The following CAPS2 variants were observed in gnomAD, a reference collection of about 807,000 sequenced individuals.
CAPS2 encodes the protein calcyphosin-2.
CAPS2 carries 98 observed loss-of-function variants against 86.5 expected under a neutral mutation model. That is an observed-to-expected ratio of 1.13 (90% CI 0.96 to 1.34). The LOEUF is 1.34. CAPS2 is among the 40% of genes most tolerant of loss of function. The pLI is 0.00. For synonymous variants in CAPS2, 210 were observed against 225.1 expected (o/e 0.93, Z 0.60); for missense variants, 729 against 686.8 (o/e 1.06, Z -0.69).
At chr12:75,330,312 C>G (rs145711159), upstream of CAPS2, among the ~76,000 whole-genome samples, 1 of 152,222 alleles carries the variant, frequency 6.6e-6, no homozygotes, top group South Asian at 2.1e-4. Context: ...CCGCAGCCTC[C>G]CAGGGAACCG....
chr12:75,343,512 A>G (rs2042253231), intron 1 of CAPS2, among the ~76,000 whole-genome samples: 1 of 152,134 alleles, frequency 6.6e-6, no homozygotes, highest in Non-Finnish European at 1.5e-5. Flanking sequence ...GTGAGTATAA[A>G]TAAGTATTTC....
Position 75,298,763 on chromosome 12 carries a change from A to T in CAPS2, c.968T>A (p.Phe323Tyr), listed in dbSNP as rs146917896. Residue 323 changes from phenylalanine to tyrosine, a missense_variant, in exon 11 of 17, where the codon TTT becomes TAT. By Grantham distance (22) the Phe-to-Tyr change is conservative. Coordinates refer to ENST00000393284, the Ensembl canonical transcript of CAPS2. ...ATGACTATAAATGCTTTTTTGAATA[A>T]AAGGAAGCACATTTGTTCTAGAAAG... The T allele has an allele frequency of 2.5e-6, 4 of 1,613,764 alleles. No homozygotes were observed. The African/African-American group carries it at 5.3e-5, about 22-fold the overall frequency.
At chr12:75,355,616 T>C (rs537543795) in intron 1 of CAPS2, among the ~76,000 whole-genome samples, 2 of 152,260 alleles carry the variant, frequency 1.3e-5, no homozygotes, top group East Asian at 3.9e-4. Context: ...GACCCAGCAA[T>C]CCCATCGCTA....
At chr12:75,306,095 G>GAAGAAGC in intron 7 of CAPS2, 1 of 1,402,552 alleles carries the variant, frequency 7.1e-7, no homozygotes, top group South Asian at 1.2e-5. Context: ...TGCGGCCCTG[G>GAAGAAGC]AAGAAGCACT....
At chr12:75,297,044 TTC>T (rs1475088205) in intron 11 of CAPS2, among the ~76,000 whole-genome samples, 1 of 152,224 alleles carries the variant, frequency 6.6e-6, no homozygotes, top group African/African-American at 2.4e-5. Context: ...TTTCTTTCCT[TTC>T]TCTCTTTCTT....
At chr12:75,297,743 G>C (rs2037142514) in intron 11 of CAPS2, among the ~76,000 whole-genome samples, 1 of 152,124 alleles carries the variant, frequency 6.6e-6, no homozygotes, top group Admixed American at 6.6e-5. Context: ...CCTCCAACCA[G>C]ACTGAACTAC....
chr12:75,326,308 T>C (rs917433072), intron 1 of CAPS2, 110 bp downstream of exon 2: 12 of 460,952 alleles, frequency 2.6e-5, no homozygotes, highest in Non-Finnish European at 4.3e-5. Context: ...ATCTAGGAAA[T>C]GTTGATCCTA....
At chr12:75,282,465 C>T in intron 15 of CAPS2, 118 bp from the exon 16 acceptor site, 1 of 668,620 alleles carries the variant, frequency 1.5e-6, no homozygotes, top group South Asian at 1.7e-5. Context: ...CAGCTCACTG[C>T]AATCTCCGCC....
chr12:75,376,200 C>CT (rs1006829333), intron 1 of CAPS2, among the ~76,000 whole-genome samples: 14 of 152,174 alleles, frequency 9.2e-5, no homozygotes, highest in African/African-American at 2.9e-4. Flanking sequence ...ACTATTAGAA[C>CT]TTTTTTTAAC....
In CAPS2 at chr12:75,278,416, T is replaced by C. The variant is rs1343004208; in HGVS notation, c.*474A>G. 7 of 984,312 alleles carry C rather than the reference T, an allele frequency of 7.1e-6. No individual in the cohort carries two copies. In the African/African-American group the frequency reaches 1.1e-4, roughly 15 times the overall value. 61.0% of individuals were successfully genotyped at this position (984,312 alleles called of 1,614,324 possible). On this transcript the variant is annotated 3_prime_UTR_variant, in exon 17 of 17. Transcript: ENST00000393284. ...TTCATGTGTTAAAAACACATTGAAT[T>C]ATCTCACTGGCTTTGGGCCCAATTC... is the stretch of plus-strand genomic sequence containing the variant.
intron 4 of CAPS2, chr12:75,322,901 G>T: frequency 1.2e-6 from 1 of 823,198 alleles, no homozygotes; most frequent in Non-Finnish European, 1.9e-6. Flanking sequence ...TTTAAACTTG[G>T]CAAAACATAG....
At chr12:75,309,081 A>T (rs2138741280) in intron 7 of CAPS2, among the ~76,000 whole-genome samples, 1 of 152,238 alleles carries the variant, frequency 6.6e-6, no homozygotes, top group South Asian at 2.1e-4. Context: ...CATATCACGC[A>T]TGTACTTAGA....
At chr12:75,311,890 A>G (rs1475835817) in intron 7 of CAPS2, among the ~76,000 whole-genome samples, 1 of 152,100 alleles carries the variant, frequency 6.6e-6, no homozygotes, top group Non-Finnish European at 1.5e-5. Flanking sequence ...AGGTGAAAAC[A>G]CTAAGTTCAT....
intron 5 of CAPS2, among the ~76,000 whole-genome samples, chr12:75,319,043 T>C (rs1419183090): frequency 6.6e-6 from 1 of 152,170 alleles, no homozygotes; most frequent in Non-Finnish European, 1.5e-5. Context: ...TTCTACAAAA[T>C]TGCAGTTTAA....
At chr12:75,297,484 G>T (rs1168552195) in intron 11 of CAPS2, among the ~76,000 whole-genome samples, 3 of 152,068 alleles carry the variant, frequency 2.0e-5, no homozygotes, top group Non-Finnish European at 4.4e-5. Flanking sequence ...TATTCAGGTT[G>T]CCATAATCTC....
intron 2 of CAPS2, 128 bp from the exon 4 acceptor site, chr12:75,323,350 G>A: frequency 1.6e-6 from 1 of 612,436 alleles, no homozygotes; most frequent in Non-Finnish European, 2.7e-6. Flanking sequence ...CTACTGGCTT[G>A]TGATAGGCTT....
intron 1 of CAPS2, among the ~76,000 whole-genome samples, chr12:75,355,849 C>T (rs1344544890): frequency 6.6e-6 from 1 of 152,112 alleles, no homozygotes; most frequent in Non-Finnish European, 1.5e-5. Context: ...GAGCTAGAAG[C>T]TATTATTCTT....
chr12:75,339,749 T>TTTAATC, intron 1 of CAPS2, among the ~76,000 whole-genome samples: 1 of 152,202 alleles, frequency 6.6e-6, no homozygotes, highest in African/African-American at 2.4e-5. Flanking sequence ...TAATCCATCT[T>TTTAATC]GAGCTAATTT....
chr12:75,329,126 T>C (rs183441753), upstream of CAPS2, among the ~76,000 whole-genome samples: 1 of 152,342 alleles, frequency 6.6e-6, no homozygotes, highest in Admixed American at 6.5e-5. Context: ...GTTTCAGATC[T>C]CTTTTCAGTA....
Sources: gnomAD v4.1 joint callset for allele counts (sites outside exome capture counted in the v4.1 genomes callset) on GRCh38, gnomAD v4.1.1 for gene constraint, MANE v1.5 for transcripts, NCBI Gene and HGNC (gene_info 2026-07-23, HGNC 2026-07-21) for gene names.